The following PSD3 variants were observed in gnomAD, a reference collection of about 807,000 sequenced individuals.
The protein encoded by PSD3 is pleckstrin and Sec7 domain containing 3, also known as PH and SEC7 domain-containing protein 3.
PSD3 carries 49 observed loss-of-function variants against 105.5 expected under a neutral mutation model. The ratio of observed to expected loss-of-function variants is 0.46; its 90% CI spans 0.37 to 0.59. The LOEUF is 0.59. Ranked by LOEUF, PSD3 falls within the 20% of genes least tolerant of loss-of-function variation. PSD3 has a pLI of 0.00. For missense variants in PSD3, 1,561 were observed against 1,263.8 expected, an observed-to-expected ratio of 1.24 and a Z score of -3.57; for synonymous variants, 557 against 457.8, an observed-to-expected ratio of 1.22 and a Z score of -2.77.
intron 2 of PSD3, among the ~76,000 whole-genome samples, chr8:18,923,689 T>G (rs988250791): frequency 6.6e-6 from 1 of 152,214 alleles, no homozygotes; most frequent in Non-Finnish European, 1.5e-5. Flanking sequence ...TTTGCGTAAG[T>G]ACATTTTATG....
intron 1 of PSD3, among the ~76,000 whole-genome samples, chr8:19,061,590 G>C (rs1018356155): frequency 6.6e-6 from 1 of 152,060 alleles, no homozygotes; most frequent in Non-Finnish European, 1.5e-5. Flanking sequence ...GGCGGATCAA[G>C]AGGTCAGGAG....
chr8:18,718,217 C>A (rs1322265729), intron 9 of PSD3, among the ~76,000 whole-genome samples: 3 of 152,248 alleles, frequency 2.0e-5, no homozygotes, highest in East Asian at 3.8e-4. Context: ...TAATAGTCTT[C>A]TACCCTCACA....
At chr8:18,710,563 AG>A (rs1261156786) in intron 9 of PSD3, among the ~76,000 whole-genome samples, 8 of 152,186 alleles carry the variant, frequency 5.3e-5, no homozygotes, top group Admixed American at 5.2e-4. Context: ...TTGAAATAAA[AG>A]AAAAAATCTT....
At chr8:18,787,373 C>A (rs1185949691) in intron 8 of PSD3, among the ~76,000 whole-genome samples, 1 of 151,982 alleles carries the variant, frequency 6.6e-6, no homozygotes, top group African/African-American at 2.4e-5. Flanking sequence ...ACCTTGAAAT[C>A]AATATATTTT....
chr8:18,858,798 G>A (rs183930489), intron 4 of PSD3, among the ~76,000 whole-genome samples: 2 of 152,190 alleles, frequency 1.3e-5, no homozygotes, highest in East Asian at 1.9e-4. Context: ...CTTCTCGTTC[G>A]CCTGCTATTT....
intron 10 of PSD3, among the ~76,000 whole-genome samples, chr8:18,637,895 T>C (rs911302968): frequency 6.6e-6 from 1 of 152,132 alleles, no homozygotes; most frequent in African/African-American, 2.4e-5. Flanking sequence ...TGGTGGCTCA[T>C]GCCTGTAATC....
intron 11 of PSD3, among the ~76,000 whole-genome samples, chr8:18,626,687 A>G (rs1449017663): frequency 3.3e-5 from 5 of 152,128 alleles, no homozygotes; most frequent in Non-Finnish European, 7.4e-5. Context: ...TCAAAAGAAG[A>G]AGGCAAAAAC....
At position 18,817,775 on chromosome 8, in the gene PSD3, C is replaced by T. The variant is rs369244972; in HGVS notation, c.1635-12877G>A. ...CTGCCAATGAGCTCTCTCTATGTTG[C>T]AGATCTTTTAATGCTTATCCCTTAT... On this transcript the variant is annotated intron_variant, in intron 4 of 15. Transcript: ENST00000327040. 8.2e-4 allele frequency among the ~76,000 whole-genome samples: 125 copies of T among 152,272 alleles called. 2 individuals carry two copies. The South Asian group carries it at 0.026, about 31-fold the overall frequency.
At chr8:18,540,412 C>A (rs1800092001) in intron 15 of PSD3, among the ~76,000 whole-genome samples, 1 of 152,094 alleles carries the variant, frequency 6.6e-6, no homozygotes, top group Non-Finnish European at 1.5e-5. Flanking sequence ...TGTCTGTAAC[C>A]ACTTTCAGGT....
rs576531052 is a variant in PSD3, at chr8:18,656,402, G to T, written c.2173-717C>A. On this transcript the variant is annotated intron_variant, in intron 9 of 15. Coordinates refer to ENST00000327040, the MANE Select transcript of PSD3 (RefSeq NM_015310.4). ...TGAAAGAAATAGAATTGTTTTCATG[G>T]CAAATTAAAGAGTAAGATACTTGGT... Among the ~76,000 whole-genome samples the T allele has an allele frequency of 2.6e-5, 4 of 151,874 alleles. No individual in the cohort carries two copies. In the South Asian group the frequency reaches 8.3e-4, roughly 32 times the overall value.
chr8:18,570,991 C>G (rs1415090501), intron 14 of PSD3, among the ~76,000 whole-genome samples: 2 of 152,000 alleles, frequency 1.3e-5, no homozygotes, highest in African/African-American at 4.8e-5. Context: ...TCCCAAGTAG[C>G]TGGGATTACA....
intron 4 of PSD3, among the ~76,000 whole-genome samples, chr8:18,827,845 G>A (rs529605936): frequency 8.0e-5 from 12 of 150,762 alleles, no homozygotes; most frequent in Non-Finnish European, 1.2e-4. Context: ...TTTCTGACTT[G>A]AACACCTTGG....
chr8:19,083,632 C>A (rs1453167509), intron 1 of PSD3, among the ~76,000 whole-genome samples: 1 of 152,058 alleles, frequency 6.6e-6, no homozygotes, highest in Non-Finnish European at 1.5e-5. Flanking sequence ...TGGCTGAGTT[C>A]CAAGGCTGTG....
intron 4 of PSD3, among the ~76,000 whole-genome samples, chr8:18,832,222 A>G (rs753562303): frequency 4.1e-4 from 62 of 152,290 alleles, no homozygotes; most frequent in Non-Finnish European, 6.5e-4. Context: ...CTGCAACCCT[A>G]AAGAGTAAGG....
intron 8 of PSD3, among the ~76,000 whole-genome samples, chr8:18,787,543 C>T (rs1399102114): frequency 1.3e-5 from 2 of 152,032 alleles, no homozygotes; most frequent in Non-Finnish European, 2.9e-5. Context: ...TCCAGGCAGG[C>T]CCAATTCTTA....
intron 9 of PSD3, among the ~76,000 whole-genome samples, chr8:18,728,865 G>C (rs2129430406): frequency 1.3e-5 from 2 of 152,256 alleles, no homozygotes; most frequent in Non-Finnish European, 2.9e-5. Context: ...AAGGGAAGCT[G>C]GGAAGGGGAA....
intron 4 of PSD3, among the ~76,000 whole-genome samples, chr8:18,846,911 C>G (rs766193650): frequency 6.6e-6 from 1 of 152,086 alleles, no homozygotes; most frequent in South Asian, 2.1e-4. Flanking sequence ...GTAGGTGACA[C>G]AGCCAAAGAC....
intron 1 of PSD3, among the ~76,000 whole-genome samples, chr8:19,076,428 A>G (rs1017760560): frequency 6.6e-6 from 1 of 152,080 alleles, no homozygotes; most frequent in African/African-American, 2.4e-5. Context: ...CCGAAAAACT[A>G]CTAAAAATAA....
intron 1 of PSD3, among the ~76,000 whole-genome samples, chr8:19,008,210 A>T (rs1346168981): frequency 2.0e-5 from 3 of 152,110 alleles, no homozygotes; most frequent in African/African-American, 7.3e-5. Flanking sequence ...GACCTTTTGT[A>T]GCCACTAGAA....
Sources: allele counts gnomAD v4.1 joint callset (sites outside exome capture counted in the v4.1 genomes callset), GRCh38; gene constraint gnomAD v4.1.1; transcripts MANE v1.5; gene names NCBI Gene and HGNC (gene_info 2026-07-23, HGNC 2026-07-21).